The following RRM2 variants were observed in gnomAD, a reference collection of about 807,000 sequenced individuals.
The protein encoded by RRM2 is ribonucleotide reductase regulatory subunit M2.
A neutral mutation model predicts 45.9 loss-of-function variants in RRM2; 6 were observed. The observed-to-expected ratio is 0.13, with a 90% confidence interval of 0.07 to 0.26. The LOEUF is 0.26. Ranked by LOEUF, RRM2 falls within the 10% of genes least tolerant of loss-of-function variation. The probability of loss-of-function intolerance (pLI) is 1.00; values close to 1 mark genes in which losing one functional copy is unlikely to be tolerated. For synonymous variants in RRM2, 177 were observed against 173.0 expected (o/e 1.02, Z -0.18); for missense variants, 343 against 489.5 (o/e 0.70, Z 2.82).
chr2:10,142,818 C>T (rs139848046), intron 3 of RRM2, among the ~76,000 whole-genome samples: 7 of 152,350 alleles, frequency 4.6e-5, no homozygotes, highest in East Asian at 1.9e-4. Context: ...CAGGTGCCCG[C>T]GGGCTCCCCG....
downstream of RRM2, among the ~76,000 whole-genome samples, chr2:10,132,917 C>T (rs1404147486): frequency 1.0e-5 from 1 of 100,206 alleles, no homozygotes; most frequent in Non-Finnish European, 2.5e-5. Context: ...CCATGCTGCC[C>T]GAGGAGGGCC....
At chr2:10,186,212 A>G (rs565492420) in intron 3 of RRM2, among the ~76,000 whole-genome samples, 1 of 152,082 alleles carries the variant, frequency 6.6e-6, no homozygotes, top group Non-Finnish European at 1.5e-5. Flanking sequence ...TGAAGTGGGG[A>G]AGTGTGGACC....
chr2:10,154,400 C>G (rs1443008293), intron 3 of RRM2, among the ~76,000 whole-genome samples: 5 of 110,012 alleles, frequency 4.5e-5, no homozygotes, highest in African/African-American at 1.5e-4. Context: ...TTGCTTGAAC[C>G]TGGTGGGTGG....
intron 3 of RRM2, among the ~76,000 whole-genome samples, chr2:10,188,695 G>T (rs1015276415): frequency 6.6e-6 from 1 of 152,042 alleles, no homozygotes; most frequent in Admixed American, 6.5e-5. Context: ...GGGACCCAGG[G>T]CCTGGGGCCT....
At chr2:10,157,392 A>C (rs903524548) in intron 3 of RRM2, among the ~76,000 whole-genome samples, 1 of 152,198 alleles carries the variant, frequency 6.6e-6, no homozygotes, top group Admixed American at 6.5e-5. Flanking sequence ...TCATAAGAGC[A>C]CAGCTCGATG....
intron 3 of RRM2, among the ~76,000 whole-genome samples, chr2:10,165,566 A>G (rs936227722): frequency 6.6e-6 from 1 of 152,236 alleles, no homozygotes; most frequent in Non-Finnish European, 1.5e-5. Flanking sequence ...CAAAAGGGAG[A>G]TAAATATTGT....
chr2:10,149,676 TG>T (rs1663267027), intron 3 of RRM2, among the ~76,000 whole-genome samples: 1 of 152,204 alleles, frequency 6.6e-6, no homozygotes, highest in Admixed American at 6.5e-5. Flanking sequence ...GAGGTTTGTG[TG>T]GGAGAAGAAG....
At position 10,127,028 on chromosome 2, in the gene RRM2, G is replaced by A; in HGVS notation, c.664+59G>A. On this transcript the variant is annotated intron_variant, in intron 6 of 9. Coordinates refer to ENST00000304567, the MANE Select transcript of RRM2 (RefSeq NM_001034.4). The surrounding 1 kb of genome is among the most constrained non-coding windows in gnomAD (Gnocchi z 4.1). ...CTTCATTTTCCAAGTAATGTTACTG[G>A]ATTTTTGGCCCTTGAATACCAACTC... The A allele has an allele frequency of 6.2e-7, 1 of 1,611,408 alleles. No individual in the cohort carries two copies. Among genetic ancestry groups the A allele is most frequent in the Admixed American group, 1.7e-5 (1 of 59,898 alleles).
At chr2:10,122,957 CCTCA>C (rs1258862349) in intron 1 of RRM2, 22 bp from the exon 2 acceptor site, 24 of 1,547,160 alleles carry the variant, frequency 1.6e-5, no homozygotes, top group Admixed American at 1.9e-5. Context: ...CGAAGCCGCT[CCTCA>C]CTCACACGCG....
intron 3 of RRM2, among the ~76,000 whole-genome samples, chr2:10,194,304 C>T (rs776065139): frequency 1.4e-4 from 22 of 152,156 alleles, no homozygotes; most frequent in Non-Finnish European, 2.6e-4. Context: ...GGTGGTGTGA[C>T]GCTAGCAGGC....
chr2:10,170,438 A>G (rs1390839358), intron 3 of RRM2, among the ~76,000 whole-genome samples: 1 of 151,584 alleles, frequency 6.6e-6, no homozygotes, highest in Non-Finnish European at 1.5e-5. Context: ...ACCAGGGGGG[A>G]ATTTCAGGGT....
downstream of RRM2, among the ~76,000 whole-genome samples, chr2:10,131,918 TA>T (rs1662909794): frequency 6.6e-6 from 1 of 152,122 alleles, no homozygotes; most frequent in Non-Finnish European, 1.5e-5. Context: ...GGGGCTGAGT[TA>T]ACTTCTCAAC....
In RRM2 at chr2:10,123,524, C is replaced by T. The variant is rs1358915359; in HGVS notation, c.312C>T (p.Ala104=). ...YKKAEASFWT[A]EEVDLSKDIQ... Reference sequence around the variant, plus strand: ...AGGCAGAGGCTTCCTTTTGGACCGCCGAGGAGGTAATCGGAGGACCCCAGA... The same window carrying T: ...AGGCAGAGGCTTCCTTTTGGACCGCTGAGGAGGTAATCGGAGGACCCCAGA... Residue 104 remains alanine, a synonymous_variant, in exon 3 of 10, where the codon GCC becomes GCT. Transcript: ENST00000304567. The T allele has an allele frequency of 6.2e-7, 1 of 1,612,186 alleles. No homozygotes were observed. Among genetic ancestry groups the T allele is most frequent in the East Asian group, 2.2e-5 (1 of 44,868 alleles).
rs1032610683 is a variant in RRM2, at chr2:10,172,091, CAG to C, written n.482+29717_482+29718del. On this transcript the variant is annotated intron_variant and non_coding_transcript_variant, in intron 3 of 3. Transcript: ENST00000381786. This position sits in a 1 kb window ranked among gnomAD's most constrained non-coding sequence, Gnocchi z 4.9. The stretch of plus-strand genomic sequence containing the variant: ...GTGCATTTGAGCATGAGTGCATTAA[CAG>C]GGGGAACGTCTGTGTTTACAGGGCA... 3.7e-4 allele frequency among the ~76,000 whole-genome samples: 56 copies of C among 152,326 alleles called. No individual in the cohort carries two copies. Among genetic ancestry groups the C allele is most frequent in the African/African-American group, 1.3e-3 (53 of 41,570 alleles).
chr2:10,127,938 G>A lies in RRM2; in HGVS notation c.798+718G>A, dbSNP rs369488948. ...TCCCAGCACTTTGGTAGGCCGAGGC[G>A]GGTGGATCATGAGGTCAGGAGATTG... On this transcript the variant is annotated intron_variant, in intron 7 of 9. Transcript: ENST00000304567. The surrounding 1 kb of genome is among the most constrained non-coding windows in gnomAD (Gnocchi z 4.1). 1.5e-4 allele frequency among the ~76,000 whole-genome samples: 23 copies of A among 152,026 alleles called. No individual in the cohort carries two copies. Among genetic ancestry groups the A allele is most frequent in the African/African-American group, 2.4e-4 (10 of 41,518 alleles).
At position 10,129,402 on chromosome 2, in the gene RRM2, G is replaced by C. The variant is rs771373014; in HGVS notation, c.*16G>C. 1 of 1,583,142 alleles carries C rather than the reference G, an allele frequency of 6.3e-7. No homozygotes were observed. Among genetic ancestry groups the C allele is most frequent in the Non-Finnish European group, 8.6e-7 (1 of 1,169,408 alleles). Reference sequence around the variant, plus strand: ...TGACTTCTAAATGAACTGAAGATGTGCCCTTACTTGGCTGATTTTTTTTTT... The same window carrying C: ...TGACTTCTAAATGAACTGAAGATGTCCCCTTACTTGGCTGATTTTTTTTTT... On this transcript the variant is annotated 3_prime_UTR_variant, in exon 10 of 10. Coordinates refer to ENST00000304567, the MANE Select transcript of RRM2 (RefSeq NM_001034.4). The surrounding 1 kb of genome is among the most constrained non-coding windows in gnomAD (Gnocchi z 4.8).
rs551166061 is a variant in RRM2 at position 10,185,183 on chromosome 2, C to T, written n.483-25128C>T. On this transcript the variant is annotated intron_variant and non_coding_transcript_variant, in intron 3 of 3. Coordinates refer to the RRM2 transcript ENST00000381786. This position sits in a 1 kb window ranked among gnomAD's most constrained non-coding sequence, Gnocchi z 4.3. ...TAACAAATGCTTTGGATTTCCTCCA[C>T]GCAGAGGAGAATCAGTATGCAGCTG... 4.6e-5 allele frequency among the ~76,000 whole-genome samples: 7 copies of T among 152,244 alleles called. No individual in the cohort carries two copies. The highest frequency in any genetic ancestry group is 4.1e-4 in the South Asian group (2 of 4,828).
chr2:10,151,968 A>C (rs1663319854), intron 3 of RRM2, among the ~76,000 whole-genome samples: 1 of 141,746 alleles, frequency 7.1e-6, no homozygotes, highest in Non-Finnish European at 1.5e-5. Context: ...TTTTTTTTTG[A>C]GGCAGTGTCT....
chr2:10,128,126 C>G (rs919395269), intron 7 of RRM2, among the ~76,000 whole-genome samples: 6 of 152,124 alleles, frequency 3.9e-5, no homozygotes, highest in African/African-American at 1.2e-4. Flanking sequence ...GATCACACCA[C>G]TGCACTCCAG....
Sources: gnomAD v4.1 joint callset for allele counts (sites outside exome capture counted in the v4.1 genomes callset) on GRCh38, gnomAD v4.1.1 for gene constraint, Gnocchi (gnomAD v3.1) non-coding constraint, MANE v1.5 for transcripts, NCBI Gene and HGNC (gene_info 2026-07-23, HGNC 2026-07-21) for gene names.